The following CNIH3 variants were observed in gnomAD, a reference collection of about 807,000 sequenced individuals.
The protein encoded by CNIH3 is cornichon family AMPA receptor auxiliary protein 3.
CNIH3 carries 14 observed loss-of-function variants against 24.1 expected under a neutral mutation model. The ratio of observed to expected loss-of-function variants is 0.58; its 90% CI spans 0.38 to 0.91. The LOEUF is 0.91. CNIH3 is among the 40% of genes least tolerant of loss of function. The probability of loss-of-function intolerance (pLI) is 0.00; values close to 1 mark genes in which losing one functional copy is unlikely to be tolerated. For missense variants in CNIH3, 178 were observed against 196.8 expected (o/e 0.90, Z 0.57); for synonymous variants, 68 against 73.8 (o/e 0.92, Z 0.40).
Position 224,703,844 on chromosome 1 carries a change from G to T in CNIH3, c.198+19001G>T, listed in dbSNP as rs188594842. Among the ~76,000 whole-genome samples, 12 of 152,274 alleles carry T rather than the reference G, an allele frequency of 7.9e-5. No homozygotes were observed. In the East Asian group the frequency reaches 2.3e-3, roughly 29 times the overall value. On this transcript the variant is annotated intron_variant, in intron 3 of 5. Transcript: ENST00000272133. The surrounding 1 kb of genome is among the most constrained non-coding windows in gnomAD (Gnocchi z 4.2). Reference sequence around the variant, plus strand: ...TGCCAGCTCATTCAGCCCGCAGCAGGTATTTAGGCAGAACAAGATGAGCAC... The same window carrying T: ...TGCCAGCTCATTCAGCCCGCAGCAGTTATTTAGGCAGAACAAGATGAGCAC...
chr1:224,480,280 G>A (rs114493239), intron 1 of CNIH3, among the ~76,000 whole-genome samples: 147 of 152,266 alleles, frequency 9.7e-4, no homozygotes, highest in African/African-American at 3.0e-3. Context: ...ACACAGCACG[G>A]GACTCTGGGC....
chr1:224,657,947 A>G (rs1212061191), intron 1 of CNIH3, among the ~76,000 whole-genome samples: 1 of 152,240 alleles, frequency 6.6e-6, no homozygotes, highest in African/African-American at 2.4e-5. Context: ...CTGATAACAT[A>G]TACTAAGATC....
chr1:224,592,736 G>C (rs1476731000), downstream of CNIH3, among the ~76,000 whole-genome samples: 2 of 152,164 alleles, frequency 1.3e-5, no homozygotes, highest in African/African-American at 4.8e-5. Context: ...AGCTGAAGTT[G>C]GGAGGATGTG....
intron 3 of CNIH3, among the ~76,000 whole-genome samples, chr1:224,710,279 G>A (rs902694390): frequency 3.9e-5 from 6 of 152,162 alleles, no homozygotes; most frequent in African/African-American, 9.7e-5. Flanking sequence ...TCTATTTCCC[G>A]AGTGCTTCGT....
intron 3 of CNIH3, among the ~76,000 whole-genome samples, chr1:224,702,562 C>T (rs547700579): frequency 1.0e-3 from 155 of 152,326 alleles, no homozygotes; most frequent in Non-Finnish European, 1.7e-3. Flanking sequence ...CAGCCCCAGG[C>T]GCAGCCCAAG....
chr1:224,523,971 C>G (rs1173505255), intron 2 of CNIH3, among the ~76,000 whole-genome samples: 1 of 152,192 alleles, frequency 6.6e-6, no homozygotes, highest in Non-Finnish European at 1.5e-5. Flanking sequence ...TAGATGAGGA[C>G]ACTGTCTCTT....
chr1:224,495,715 A>C (rs1366096933), intron 1 of CNIH3, among the ~76,000 whole-genome samples: 1 of 152,178 alleles, frequency 6.6e-6, no homozygotes, highest in East Asian at 1.9e-4. Context: ...CACCAGGGGA[A>C]GGGCATTTGC....
At position 224,617,140 on chromosome 1, in the gene CNIH3, C is replaced by T. The variant is rs767398027; in HGVS notation, c.-35C>T. 1 of 1,611,222 alleles carries T rather than the reference C, an allele frequency of 6.2e-7. No homozygotes were observed. The highest frequency in any genetic ancestry group is 1.1e-5 in the South Asian group (1 of 90,692). ...GGAGGCATCGGGCTCCTAGGGGCTT[C>T]TTGGCGTGTGTGGTGGGATTGGGGT... On this transcript the variant is annotated 5_prime_UTR_variant, in exon 1 of 6. Coordinates refer to ENST00000272133, the MANE Select transcript of CNIH3 (RefSeq NM_152495.2).
intron 1 of CNIH3, among the ~76,000 whole-genome samples, chr1:224,504,487 C>T (rs1677812667): frequency 6.6e-6 from 1 of 152,156 alleles, no homozygotes. Flanking sequence ...CCCCTTTCCT[C>T]CTGCGGTCTT....
intron 4 of CNIH3, among the ~76,000 whole-genome samples, chr1:224,579,275 C>G (rs1021528520): frequency 2.0e-5 from 3 of 152,024 alleles, no homozygotes; most frequent in African/African-American, 7.3e-5. Context: ...TGGCCTCTGT[C>G]TTTCATTGTA....
chr1:224,576,359 C>T (rs927885994), intron 4 of CNIH3, among the ~76,000 whole-genome samples: 10 of 152,116 alleles, frequency 6.6e-5, no homozygotes, highest in African/African-American at 2.2e-4. Flanking sequence ...ATAGTAAAAG[C>T]GAAGAGCTTG....
At chr1:224,678,887 G>A (rs1203403274) in intron 1 of CNIH3, among the ~76,000 whole-genome samples, 1 of 152,132 alleles carries the variant, frequency 6.6e-6, no homozygotes, top group Non-Finnish European at 1.5e-5. Flanking sequence ...TGAAAGAATA[G>A]GCTGGGGTCA....
intron 1 of CNIH3, among the ~76,000 whole-genome samples, chr1:224,464,625 T>A (rs1364645365): frequency 6.6e-6 from 1 of 152,244 alleles, no homozygotes; most frequent in Admixed American, 6.5e-5. Context: ...AAAAAATTAG[T>A]TCTCCATTTA....
chr1:224,562,065 G>C (rs16849633), intron 3 of CNIH3, among the ~76,000 whole-genome samples: 5,053 of 152,112 alleles, frequency 0.033, 282 homozygotes, highest in African/African-American at 0.11. Context: ...CTCATTTGAG[G>C]GAAATATAAT....
chr1:224,579,139 CA>C (rs1681164641), intron 4 of CNIH3, among the ~76,000 whole-genome samples: 1 of 149,204 alleles, frequency 6.7e-6, no homozygotes, highest in African/African-American at 2.5e-5. Flanking sequence ...TCCATTTTAA[CA>C]TCTTGCCCTT....
At chr1:224,442,643 T>A (rs781448731) in intron 1 of CNIH3, among the ~76,000 whole-genome samples, 4 of 152,214 alleles carry the variant, frequency 2.6e-5, no homozygotes, top group Non-Finnish European at 5.9e-5. Context: ...GTAAGTGCTT[T>A]ACATATATTG....
chr1:224,497,437 TAATC>T (rs1340050598), intron 1 of CNIH3, among the ~76,000 whole-genome samples: 3 of 152,248 alleles, frequency 2.0e-5, no homozygotes, highest in East Asian at 3.8e-4. Context: ...GTCTAGGAAT[TAATC>T]AATTATACTG....
At chr1:224,446,563 C>T (rs1396811378) in intron 1 of CNIH3, among the ~76,000 whole-genome samples, 1 of 152,002 alleles carries the variant, frequency 6.6e-6, no homozygotes, top group Non-Finnish European at 1.5e-5. Context: ...CTCTTCCTGT[C>T]CTAATGTTAA....
Position 224,480,276 on chromosome 1 carries a change from C to T in CNIH3, n.204-35465C>T, listed in dbSNP as rs942608700. Among the ~76,000 whole-genome samples the T allele has an allele frequency of 4.6e-5, 7 of 152,330 alleles. No individual in the cohort carries two copies. In the East Asian group the frequency reaches 9.7e-4, roughly 21 times the overall value. The stretch of plus-strand genomic sequence containing the variant: ...CACCAAGTCCCTAGACCGCACACAG[C>T]ACGGGACTCTGGGCCTGGCCCCTGA... On this transcript the variant is annotated intron_variant and non_coding_transcript_variant, in intron 1 of 5. Coordinates refer to the CNIH3 transcript ENST00000471578.
Sources: gnomAD v4.1 joint callset for allele counts (sites outside exome capture counted in the v4.1 genomes callset) on GRCh38, gnomAD v4.1.1 for gene constraint, Gnocchi (gnomAD v3.1) non-coding constraint, MANE v1.5 for transcripts, NCBI Gene and HGNC (gene_info 2026-07-23, HGNC 2026-07-21) for gene names.